KIAA0825: variants seen among roughly 807,000 people sequenced by gnomAD.
KIAA0825 encodes KIAA0825, also known as uncharacterized protein KIAA0825.
KIAA0825 carries 119 observed loss-of-function variants against 147.6 expected under a neutral mutation model. The observed-to-expected ratio is 0.81, with a 90% CI of 0.69 to 0.94. KIAA0825 has a LOEUF of 0.94. Among genes scored for constraint, KIAA0825 ranks in the 40% least tolerant of loss-of-function variants. KIAA0825 has a pLI of 0.00. For synonymous variants in KIAA0825, 470 were observed against 518.1 expected (o/e 0.91, Z 1.26); for missense variants, 1,381 against 1,472.7 (o/e 0.94, Z 1.02).
intron 2 of KIAA0825, among the ~76,000 whole-genome samples, chr5:94,538,168 C>T (rs752145260): frequency 9.9e-5 from 15 of 152,220 alleles, no homozygotes; most frequent in Admixed American, 2.0e-4. Context: ...AACACATAAA[C>T]AGATATATTT....
intron 15 of KIAA0825, among the ~76,000 whole-genome samples, chr5:94,407,657 A>G (rs1752236332): frequency 6.6e-6 from 1 of 152,202 alleles, no homozygotes. Context: ...TAGAGACAGA[A>G]AGTAGATTAG....
intron 9 of KIAA0825, among the ~76,000 whole-genome samples, chr5:94,470,477 G>T (rs1761081355): frequency 6.6e-6 from 1 of 152,144 alleles, no homozygotes; most frequent in Non-Finnish European, 1.5e-5. Context: ...ACATGCACTT[G>T]TCAGAACCAA....
intron 1 of KIAA0825, among the ~76,000 whole-genome samples, chr5:94,588,697 C>A (rs1478145565): frequency 6.6e-6 from 1 of 152,028 alleles, no homozygotes; most frequent in East Asian, 1.9e-4. Flanking sequence ...CGTATATACC[C>A]AAAGGATTAT....
Position 94,300,886 on chromosome 5 carries a change from A to C in KIAA0825, c.3710+83482T>G, listed in dbSNP as rs369513862. 5.3e-5 allele frequency among the ~76,000 whole-genome samples: 8 copies of C among 152,278 alleles called. No individual in the cohort carries two copies. In the East Asian group the frequency reaches 1.5e-3, roughly 29 times the overall value. ...TGGCAGAGAAAATAAAAAGGGAGACATCAATGCTGTCTACTTTGACGGATT... is the reference window on the plus strand; with the variant it reads ...TGGCAGAGAAAATAAAAAGGGAGACCTCAATGCTGTCTACTTTGACGGATT... On this transcript the variant is annotated intron_variant, in intron 20 of 20. Transcript: ENST00000682413.
At chr5:94,212,504 C>T (rs964874675) in intron 20 of KIAA0825, among the ~76,000 whole-genome samples, 1 of 152,120 alleles carries the variant, frequency 6.6e-6, no homozygotes, top group Non-Finnish European at 1.5e-5. Context: ...TAAATGCTAG[C>T]AGGAGACATG....
intron 17 of KIAA0825, among the ~76,000 whole-genome samples, 199 bp from the exon 18 acceptor site, chr5:94,391,893 T>C (rs1257643174): frequency 6.6e-6 from 1 of 152,194 alleles, no homozygotes; most frequent in African/African-American, 2.4e-5. Context: ...TGAAAGCATT[T>C]TCAAAAATTG....
At chr5:94,450,076 T>C (rs1255352379) in intron 13 of KIAA0825, among the ~76,000 whole-genome samples, 1 of 151,552 alleles carries the variant, frequency 6.6e-6, no homozygotes, top group Non-Finnish European at 1.5e-5. Context: ...TGAAACTCCA[T>C]CTCAAAAAAA....
chr5:94,428,314 G>A (rs1164303186), intron 14 of KIAA0825, among the ~76,000 whole-genome samples: 1 of 152,046 alleles, frequency 6.6e-6, no homozygotes, highest in East Asian at 1.9e-4. Flanking sequence ...TGGTTGCTTT[G>A]TAGTTTCTAT....
chr5:94,246,303 G>C (rs568056365), intron 20 of KIAA0825, among the ~76,000 whole-genome samples: 1 of 152,260 alleles, frequency 6.6e-6, no homozygotes, highest in African/African-American at 2.4e-5. Context: ...GGGATTCCCA[G>C]AGCAACGGTT....
chr5:94,257,520 C>G (rs935757901), intron 20 of KIAA0825, among the ~76,000 whole-genome samples: 3 of 151,986 alleles, frequency 2.0e-5, no homozygotes, highest in African/African-American at 7.2e-5. Flanking sequence ...TTGAAATGTG[C>G]TTTATTTTAC....
At chr5:94,491,812 C>T (rs1763769319) in intron 5 of KIAA0825, among the ~76,000 whole-genome samples, 1 of 151,962 alleles carries the variant, frequency 6.6e-6, no homozygotes, top group Non-Finnish European at 1.5e-5. Flanking sequence ...TATGTACCAC[C>T]CAATATACAC....
intron 20 of KIAA0825, among the ~76,000 whole-genome samples, chr5:94,206,037 C>T (rs916813117): frequency 2.6e-5 from 4 of 152,076 alleles, no homozygotes; most frequent in African/African-American, 9.7e-5. Context: ...TGTTGGTTCT[C>T]CTTTTTCTCT....
intron 5 of KIAA0825, among the ~76,000 whole-genome samples, chr5:94,503,094 T>C (rs1765290018): frequency 6.7e-6 from 1 of 149,196 alleles, no homozygotes; most frequent in Admixed American, 6.7e-5. Flanking sequence ...ATATGATATA[T>C]ATATATATAA....
chr5:94,277,094 G>T (rs1256746940), intron 20 of KIAA0825, among the ~76,000 whole-genome samples: 1 of 152,026 alleles, frequency 6.6e-6, no homozygotes, highest in Non-Finnish European at 1.5e-5. Context: ...ATCCATCCTG[G>T]TCTCTCCAAG....
At chr5:94,617,429 T>G (rs1171605888) in intron 1 of KIAA0825, among the ~76,000 whole-genome samples, 2 of 152,236 alleles carry the variant, frequency 1.3e-5, no homozygotes, top group Non-Finnish European at 2.9e-5. Flanking sequence ...AAGAAGACAC[T>G]GGCCTGGTGT....
chr5:94,201,589 G>GT (rs926037086), intron 20 of KIAA0825, among the ~76,000 whole-genome samples: 63 of 144,644 alleles, frequency 4.4e-4, no homozygotes, highest in South Asian at 2.7e-3. Context: ...AAAAAAGGTT[G>GT]TTTTTTTTTG....
At chr5:94,391,493 C>G in intron 18 of KIAA0825, 42 bp downstream of exon 18, 3 of 1,549,408 alleles carry the variant, frequency 1.9e-6, no homozygotes, top group Non-Finnish European at 2.6e-6. Flanking sequence ...TGCCTCAGGC[C>G]AGTACACACC....
chr5:94,459,094 G>A (rs1759496340), intron 12 of KIAA0825, among the ~76,000 whole-genome samples: 1 of 151,892 alleles, frequency 6.6e-6, no homozygotes, highest in Non-Finnish European at 1.5e-5. Flanking sequence ...TCTTGTGTCT[G>A]GTTTTTTTCA....
At chr5:94,303,155 TGCTACCTA>T (rs1778511651) in intron 20 of KIAA0825, among the ~76,000 whole-genome samples, 1 of 151,984 alleles carries the variant, frequency 6.6e-6, no homozygotes, top group Non-Finnish European at 1.5e-5. Context: ...ATTTTTACAA[TGCTACCTA>T]GTTTTAATAG....
Sources: allele counts gnomAD v4.1 joint callset (sites outside exome capture counted in the v4.1 genomes callset), GRCh38; gene constraint gnomAD v4.1.1; transcripts MANE v1.5; gene names NCBI Gene and HGNC (gene_info 2026-07-23, HGNC 2026-07-21).